MAF: variants seen among roughly 807,000 people sequenced by gnomAD.
MAF encodes MAF bZIP transcription factor, also known as transcription factor Maf.
A neutral mutation model predicts 22.0 loss-of-function variants in MAF; 10 were observed. That is an observed-to-expected ratio of 0.45 (90% CI 0.28 to 0.77). MAF has a LOEUF of 0.77. MAF is among the 30% of genes least tolerant of loss of function. The probability of loss-of-function intolerance (pLI) is 0.12; values close to 1 mark genes in which losing one functional copy is unlikely to be tolerated. For missense variants in MAF, 544 were observed against 548.4 expected, an observed-to-expected ratio of 0.99 and a Z score of 0.08; for synonymous variants, 337 against 255.8, an observed-to-expected ratio of 1.32 and a Z score of -3.03.
At position 79,594,389 on chromosome 16, in the gene MAF, G is replaced by T. The variant is rs1913376278; in HGVS notation, c.*71C>A. 1 of 1,326,162 alleles carries T rather than the reference G, an allele frequency of 7.5e-7. No homozygotes were observed. The highest frequency in any genetic ancestry group is 1.1e-6 in the Non-Finnish European group (1 of 942,380). 82.1% of individuals were successfully genotyped at this position (1,326,162 alleles called of 1,614,324 possible). ...GGAGACTAAACAGAAGTCAGGGGTA[G>T]GTGGTTCTCCATGACTGCAAATAAT... On this transcript the variant is annotated 3_prime_UTR_variant, in exon 2 of 2. Transcript: ENST00000326043.
chr16:79,220,217 A>G, the MAF span, among the ~76,000 whole-genome samples: 2 of 144,210 alleles, frequency 1.4e-5, no homozygotes, highest in South Asian at 2.2e-4. Context: ...GATGGTGCCA[A>G]TGCACTCCAG....
chr16:79,338,926 T>C, the MAF span, among the ~76,000 whole-genome samples: 2 of 152,216 alleles, frequency 1.3e-5, no homozygotes, highest in Non-Finnish European at 2.9e-5. Flanking sequence ...CATGGAGTTA[T>C]GGCTCAGAAG....
the MAF span, among the ~76,000 whole-genome samples, chr16:79,390,184 G>A: frequency 9.9e-5 from 15 of 151,874 alleles, no homozygotes; most frequent in African/African-American, 3.4e-4. Context: ...TGGACTGGGC[G>A]AATCTGAACG....
At chr16:79,372,439 G>A in the MAF span, among the ~76,000 whole-genome samples, 6 of 152,102 alleles carry the variant, frequency 3.9e-5, no homozygotes, top group South Asian at 1.0e-3. Flanking sequence ...AGACCAGCTC[G>A]ACAAAAGGCC....
At chr16:79,279,399 G>A in the MAF span, among the ~76,000 whole-genome samples, 5 of 152,218 alleles carry the variant, frequency 3.3e-5, no homozygotes, top group African/African-American at 7.2e-5. Flanking sequence ...TAAGGGACAC[G>A]TAAAGGTTAG....
chr16:79,232,338 A>G, the MAF span, among the ~76,000 whole-genome samples: 377 of 152,230 alleles, frequency 2.5e-3, 4 homozygotes, highest in Non-Finnish European at 3.9e-3. Context: ...CTTCACATGT[A>G]AACACTTTTG....
At chr16:79,485,092 G>T in the MAF span, among the ~76,000 whole-genome samples, 4 of 152,146 alleles carry the variant, frequency 2.6e-5, no homozygotes, top group African/African-American at 7.2e-5. Flanking sequence ...ATAAGTCAAA[G>T]AATTTAGCAT....
At chr16:79,377,561 G>C in the MAF span, among the ~76,000 whole-genome samples, 4 of 152,194 alleles carry the variant, frequency 2.6e-5, no homozygotes, top group Admixed American at 2.6e-4. Flanking sequence ...TTTGGCTTTT[G>C]TTGCCGTTGC....
the MAF span, among the ~76,000 whole-genome samples, chr16:79,433,258 TAAGAC>T: frequency 9.0e-6 from 1 of 111,014 alleles, no homozygotes; most frequent in African/African-American, 2.9e-5. Flanking sequence ...TAATGTAAGA[TAAGAC>T]AAGTAAAAAA....
the MAF span, among the ~76,000 whole-genome samples, chr16:79,440,912 C>T: frequency 1.3e-5 from 2 of 152,206 alleles, no homozygotes; most frequent in African/African-American, 4.8e-5. Flanking sequence ...GCACACTTCC[C>T]AGCCAAGCTC....
At chr16:79,253,513 G>T in the MAF span, among the ~76,000 whole-genome samples, 1 of 152,064 alleles carries the variant, frequency 6.6e-6, no homozygotes, top group Non-Finnish European at 1.5e-5. Context: ...TCCAATTTTA[G>T]TATGTGCTGC....
At chr16:79,532,944 T>C in the MAF span, among the ~76,000 whole-genome samples, 1 of 152,230 alleles carries the variant, frequency 6.6e-6, no homozygotes, top group African/African-American at 2.4e-5. Flanking sequence ...CAAGCTGGCC[T>C]TGGGTCTTTG....
the MAF span, among the ~76,000 whole-genome samples, chr16:79,343,969 A>G: frequency 1.3e-5 from 2 of 152,152 alleles, no homozygotes; most frequent in Admixed American, 6.5e-5. Context: ...AAAACTTTGA[A>G]ATGTTCCTAT....
the MAF span, among the ~76,000 whole-genome samples, chr16:79,408,364 CG>C: frequency 6.6e-6 from 1 of 151,920 alleles, no homozygotes; most frequent in Non-Finnish European, 1.5e-5. Flanking sequence ...TTAGTAGAGA[CG>C]GGGTTTCGCC....
At chr16:79,483,950 T>A in the MAF span, among the ~76,000 whole-genome samples, 2 of 151,994 alleles carry the variant, frequency 1.3e-5, no homozygotes, top group South Asian at 4.2e-4. Context: ...CCTGGTAGAG[T>A]GGCCAACTTG....
chr16:79,403,107 A>T, the MAF span, among the ~76,000 whole-genome samples: 17 of 152,208 alleles, frequency 1.1e-4, no homozygotes, highest in African/African-American at 4.1e-4. Context: ...CTTATCTGTG[A>T]AATGGGAATA....
chr16:79,359,804 G>GACAC, the MAF span, among the ~76,000 whole-genome samples: 68 of 152,256 alleles, frequency 4.5e-4, no homozygotes, highest in African/African-American at 1.6e-3. Context: ...TGGCATTCAG[G>GACAC]AGGGAGTCCA....
At chr16:79,268,011 C>T in the MAF span, among the ~76,000 whole-genome samples, 3 of 152,060 alleles carry the variant, frequency 2.0e-5, no homozygotes, top group Non-Finnish European at 2.9e-5. Context: ...CAGAGCTGTC[C>T]GGGTGGCACT....
chr16:79,517,127 T>C, the MAF span, among the ~76,000 whole-genome samples: 1 of 152,220 alleles, frequency 6.6e-6, no homozygotes, highest in Non-Finnish European at 1.5e-5. Flanking sequence ...GTTTATCTTT[T>C]AGTTTATACT....
Sources: gnomAD v4.1 joint callset for allele counts (sites outside exome capture counted in the v4.1 genomes callset) on GRCh38, gnomAD v4.1.1 for gene constraint, MANE v1.5 for transcripts, NCBI Gene and HGNC (gene_info 2026-07-23, HGNC 2026-07-21) for gene names.